GSTM2: variants seen among roughly 807,000 people sequenced by gnomAD.
The protein encoded by GSTM2 is glutathione S-transferase mu 2.
GSTM2 carries 33 observed loss-of-function variants against 33.3 expected under a neutral mutation model. The ratio of observed to expected loss-of-function variants is 0.99; its 90% CI spans 0.75 to 1.33. GSTM2 has a LOEUF of 1.33. Ranked by LOEUF, GSTM2 falls within the 40% of genes most tolerant of loss-of-function variation. The pLI is 0.00. For synonymous variants in GSTM2, 93 were observed against 95.6 expected (o/e 0.97, Z 0.16); for missense variants, 213 against 265.8 (o/e 0.80, Z 1.38).
At chr1:109,673,598 C>G in intron 7 of GSTM2, 1 of 290,786 alleles carries the variant, frequency 3.4e-6, no homozygotes, top group Non-Finnish European at 6.7e-6. Context: ...TGGAGGAGAG[C>G]TGAGAGCTAT....
intron 7 of GSTM2, chr1:109,673,301 T>C (rs1647611477): frequency 1.9e-6 from 3 of 1,592,914 alleles, no homozygotes; most frequent in African/African-American, 1.3e-5. Context: ...GGGAGATGCA[T>C]AGATGACAGC....
chr1:109,669,213 T>C (rs402505), intron 3 of GSTM2, 77 bp from the exon 4 acceptor site: 761,992 of 1,508,590 alleles, frequency 0.51, 197,763 homozygotes, highest in East Asian at 0.7. Flanking sequence ...GGTCTCCTCT[T>C]TGCCCTTGCA....
chr1:109,668,909 A>G lies in GSTM2; in HGVS notation c.113-16A>G, dbSNP rs374179090. 63 of 1,612,052 alleles carry G rather than the reference A, an allele frequency of 3.9e-5. No homozygotes were observed. The highest frequency in any genetic ancestry group is 4.8e-5 in the Non-Finnish European group (57 of 1,179,788). On this transcript the variant is annotated splice_polypyrimidine_tract_variant and intron_variant, in intron 2 of 7. Transcript: ENST00000241337. ...CTTTGGGGAGGTTTGTTTTCACTTC[A>G]TCTTCCCCACCACAGCTCCTGATTA...
downstream of GSTM2, among the ~76,000 whole-genome samples, chr1:109,676,542 G>A (rs781323388): frequency 3.9e-5 from 6 of 152,020 alleles, no homozygotes; most frequent in African/African-American, 9.7e-5. Context: ...TTTTAGAGAC[G>A]GGTTTTCACC....
chr1:109,679,910 T>A (rs1557961365), downstream of GSTM2, among the ~76,000 whole-genome samples: 2 of 152,246 alleles, frequency 1.3e-5, no homozygotes, highest in South Asian at 4.2e-4. Flanking sequence ...CACCAAACTG[T>A]CAGGGCCCAG....
At chr1:109,677,011 C>T (rs1373486231), downstream of GSTM2, among the ~76,000 whole-genome samples, 2 of 152,164 alleles carry the variant, frequency 1.3e-5, no homozygotes, top group African/African-American at 4.8e-5. Context: ...GAAAATACAA[C>T]TCATTAAAAA....
rs1280238835 is a variant in GSTM2 at position 109,674,299 on chromosome 1, A to G, written c.568-448A>G. On this transcript the variant is annotated intron_variant, in intron 7 of 7. Transcript: ENST00000241337. The stretch of plus-strand genomic sequence containing the variant: ...AGGGGTGGTGGGGCAGAAGAAGAAG[A>G]GAATTTGGCAGAAAGAGGCCAGAAC... Among the ~76,000 whole-genome samples, 37 of 151,878 alleles carry G rather than the reference A, an allele frequency of 2.4e-4. 1 individual carries two copies. The highest frequency in any genetic ancestry group is 1.5e-5 in the Non-Finnish European group (1 of 68,046).
At position 109,669,453 on chromosome 1, in the gene GSTM2, T is replaced by A; in HGVS notation, c.260-18T>A. ...GCTGGGCTGTGAGGCTGAGAGTGAATCTGCTTTACGAGGGTAGGCGGGGAA... is the reference window on the plus strand; with the variant it reads ...GCTGGGCTGTGAGGCTGAGAGTGAAACTGCTTTACGAGGGTAGGCGGGGAA... On this transcript the variant is annotated intron_variant, in intron 4 of 7. Transcript: ENST00000241337. 1 of 1,613,786 alleles carries A rather than the reference T, an allele frequency of 6.2e-7. No individual in the cohort carries two copies. Among genetic ancestry groups the A allele is most frequent in the Non-Finnish European group, 8.5e-7 (1 of 1,179,650 alleles).
downstream of GSTM2, among the ~76,000 whole-genome samples, chr1:109,675,940 G>T (rs1212177186): frequency 2.6e-5 from 4 of 152,226 alleles, no homozygotes; most frequent in African/African-American, 9.6e-5. Context: ...AGGTTTAAAG[G>T]ACTCACAGTT....
chr1:109,668,822 C>G, intron 2 of GSTM2, 103 bp from the exon 3 acceptor site: 2 of 1,327,380 alleles, frequency 1.5e-6, no homozygotes, highest in Non-Finnish European at 2.2e-6. Context: ...GATTCTAGAT[C>G]CACCTGTCTC....
chr1:109,669,581 C>T lies in GSTM2; in HGVS notation c.360+10C>T. 6.5e-7 allele frequency: 1 copy of T among 1,536,792 alleles called. No individual in the cohort carries two copies. The highest frequency in any genetic ancestry group is 9.0e-7 in the Non-Finnish European group (1 of 1,110,896). Reference sequence around the variant, plus strand: ...CTATGACCCAGATTTTGTAAGTCCCCCCACCCCACTCCCAGTCTCCCCTTC... The same window carrying T: ...CTATGACCCAGATTTTGTAAGTCCCTCCACCCCACTCCCAGTCTCCCCTTC... On this transcript the variant is annotated intron_variant, in intron 5 of 7. Transcript: ENST00000241337.
chr1:109,678,620 C>G (rs1434785300), downstream of GSTM2, among the ~76,000 whole-genome samples: 1 of 151,362 alleles, frequency 6.6e-6, no homozygotes, highest in Non-Finnish European at 1.5e-5. Flanking sequence ...TATTTTTGGG[C>G]GTGGTGGAGC....
downstream of GSTM2, among the ~76,000 whole-genome samples, chr1:109,680,165 T>G (rs1184322554): frequency 6.6e-6 from 1 of 151,844 alleles, no homozygotes; most frequent in Non-Finnish European, 1.5e-5. Flanking sequence ...CAAAATTGTG[T>G]GAGCCAATTC....
At position 109,669,271 on chromosome 1, in the gene GSTM2, C is replaced by T. The variant is rs181297205; in HGVS notation, c.178-19C>T. The stretch of plus-strand genomic sequence containing the variant: ...GCCTGGTGGCCCAACTGAGCTTCCC[C>T]GGTTTCCCATCTATCCAGCTGCCCT... On this transcript the variant is annotated intron_variant, in intron 3 of 7. Transcript: ENST00000241337. 7.3e-4 allele frequency: 1,175 copies of T among 1,613,938 alleles called. 6 individuals are homozygous for T. The highest frequency in any genetic ancestry group is 3.1e-3 in the East Asian group (140 of 44,878).
At chr1:109,669,621 C>T (rs1647460223) in intron 5 of GSTM2, 50 bp downstream of exon 5, 1 of 1,151,360 alleles carries the variant, frequency 8.7e-7, no homozygotes, top group South Asian at 1.3e-5. Flanking sequence ...CTCCCAGTCT[C>T]CCCTTTCCCT....
At chr1:109,675,545 G>A (rs1050367419), downstream of GSTM2, among the ~76,000 whole-genome samples, 2 of 151,244 alleles carry the variant, frequency 1.3e-5, no homozygotes, top group Non-Finnish European at 2.9e-5. Context: ...GCCGTATTGA[G>A]TACTTTCCAT....
chr1:109,668,303 C>A, intron 1 of GSTM2, 122 bp from the exon 2 acceptor site: 2 of 1,124,508 alleles, frequency 1.8e-6, no homozygotes, highest in Non-Finnish European at 2.6e-6. Context: ...TGTGGCTGGG[C>A]GTGCGGGGTG....
chr1:109,678,599 AT>A (rs1372543575), downstream of GSTM2, among the ~76,000 whole-genome samples: 258 of 150,920 alleles, frequency 1.7e-3, no homozygotes, highest in African/African-American at 5.9e-3. Flanking sequence ...TATCAAAATT[AT>A]TTTTTTTTGT....
At chr1:109,672,169 A>G (rs913435391) in intron 7 of GSTM2, among the ~76,000 whole-genome samples, 20 of 151,756 alleles carry the variant, frequency 1.3e-4, no homozygotes, top group Non-Finnish European at 2.5e-4. Context: ...AATCCCAGCT[A>G]CTAGGGAGGC....
Sources: gnomAD v4.1 joint callset for allele counts (sites outside exome capture counted in the v4.1 genomes callset) on GRCh38, gnomAD v4.1.1 for gene constraint, MANE v1.5 for transcripts, NCBI Gene and HGNC (gene_info 2026-07-23, HGNC 2026-07-21) for gene names.